The following MCC variants were observed in gnomAD, a reference collection of about 807,000 sequenced individuals.
MCC encodes the protein colorectal mutant cancer protein.
In MCC, 90 loss-of-function variants were observed where a neutral mutation model predicts 116.2. The observed-to-expected ratio is 0.77, with a 90% confidence interval of 0.65 to 0.92. The LOEUF is 0.92. Among genes scored for constraint, MCC ranks in the 40% least tolerant of loss-of-function variants. The pLI is 0.00. For missense variants in MCC, 1,516 were observed against 1,312.2 expected (o/e 1.16, Z -2.40); for synonymous variants, 578 against 510.5 (o/e 1.13, Z -1.78).
chr5:113,024,263 A>ATATT lies in MCC; in HGVS notation c.*3035_*3038dup, dbSNP rs1475981799. 1.3e-5 allele frequency: 2 copies of ATATT among 152,250 alleles called. No individual in the cohort carries two copies. Among genetic ancestry groups the ATATT allele is most frequent in the Admixed American group, 6.5e-5 (1 of 15,284 alleles). 9.4% of individuals were successfully genotyped at this position (152,250 alleles called of 1,614,324 possible). On this transcript the variant is annotated 3_prime_UTR_variant, in exon 19 of 19. Coordinates refer to ENST00000408903, the MANE Select transcript of MCC (RefSeq NM_001085377.2). Reference sequence around the variant, plus strand: ...ATAACATTTGTTTCAGGCAGCATGGATATTAACTTCAGAACGCTGACAAGC... The same window carrying ATATT: ...ATAACATTTGTTTCAGGCAGCATGGATATTTATTAACTTCAGAACGCTGACAAGC...
chr5:113,413,437 C>G lies in MCC; in HGVS notation c.171-28225G>C, dbSNP rs187632277. 2.0e-3 allele frequency among the ~76,000 whole-genome samples: 311 copies of G among 152,252 alleles called. 2 individuals are homozygous for G. The highest frequency in any genetic ancestry group is 7.1e-3 in the African/African-American group (296 of 41,552). On this transcript the variant is annotated intron_variant, in intron 1 of 18. Transcript: ENST00000408903. ...TGGTTGGTAGGCTATTGATTATTGC[C>G]TCAATTTCAGAGCCTGTTATTGGTC... is the stretch of plus-strand genomic sequence containing the variant.
At chr5:113,215,981 T>C (rs765080827) in intron 3 of MCC, among the ~76,000 whole-genome samples, 2 of 152,248 alleles carry the variant, frequency 1.3e-5, no homozygotes, top group Non-Finnish European at 2.9e-5. Flanking sequence ...TTCTCAGTTA[T>C]ATCTTGTTTG....
intron 3 of MCC, among the ~76,000 whole-genome samples, chr5:113,245,367 T>C (rs143989020): frequency 1.6e-3 from 245 of 151,424 alleles, no homozygotes; most frequent in African/African-American, 5.6e-3. Flanking sequence ...CAAAGAAATA[T>C]CTTATGTCCT....
At chr5:113,176,158 G>T (rs920539417) in intron 3 of MCC, among the ~76,000 whole-genome samples, 1 of 152,102 alleles carries the variant, frequency 6.6e-6, no homozygotes, top group Non-Finnish European at 1.5e-5. Context: ...TTTGCCTTAG[G>T]ATTTCTTGCT....
At chr5:113,487,196 CTTT>C (rs1335934591) in intron 1 of MCC, among the ~76,000 whole-genome samples, 2 of 139,626 alleles carry the variant, frequency 1.4e-5, no homozygotes, top group African/African-American at 2.6e-5. Flanking sequence ...ACTTTGCTTT[CTTT>C]TTTTTTTTTT....
chr5:113,170,961 G>A (rs926132681), intron 3 of MCC, among the ~76,000 whole-genome samples: 2 of 152,120 alleles, frequency 1.3e-5, no homozygotes, highest in African/African-American at 4.8e-5. Flanking sequence ...CTGAGACTCT[G>A]TGGAAGCACC....
At chr5:113,049,457 G>A (rs765881949) in intron 15 of MCC, among the ~76,000 whole-genome samples, 158 bp from the exon 16 acceptor site, 60 of 152,340 alleles carry the variant, frequency 3.9e-4, no homozygotes, top group African/African-American at 1.3e-3. Flanking sequence ...GGGAGGAGAC[G>A]TGGCACCTGT....
At chr5:113,111,029 T>C (rs1331352515) in intron 6 of MCC, among the ~76,000 whole-genome samples, 1 of 152,132 alleles carries the variant, frequency 6.6e-6, no homozygotes, top group African/African-American at 2.4e-5. Flanking sequence ...TCCTGCCCTT[T>C]TCCTCTTTTC....
intron 1 of MCC, among the ~76,000 whole-genome samples, chr5:113,449,746 G>C (rs1196921937): frequency 6.6e-6 from 1 of 152,190 alleles, no homozygotes; most frequent in Non-Finnish European, 1.5e-5. Flanking sequence ...GGTTTGGGAA[G>C]TGGAGGAGGA....
intron 1 of MCC, among the ~76,000 whole-genome samples, chr5:113,439,199 A>C (rs557274785): frequency 1.6e-4 from 25 of 152,380 alleles, no homozygotes; most frequent in African/African-American, 5.8e-4. Flanking sequence ...CCAGTTAGGC[A>C]GGCCAAAGCT....
chr5:113,488,052 C>G (rs147256712), intron 1 of MCC, among the ~76,000 whole-genome samples, 193 bp downstream of exon 1: 1,760 of 152,232 alleles, frequency 0.012, 16 homozygotes, highest in Middle Eastern at 0.048. Context: ...CTGGCACCCC[C>G]GCAAGGCGAA....
At chr5:113,042,920 G>A (rs1751817455) in intron 17 of MCC, among the ~76,000 whole-genome samples, 1 of 152,102 alleles carries the variant, frequency 6.6e-6, no homozygotes, top group South Asian at 2.1e-4. Flanking sequence ...AAATTTACAA[G>A]TACATATGTG....
chr5:113,264,609 C>G (rs1264730638), intron 3 of MCC, among the ~76,000 whole-genome samples: 29 of 152,048 alleles, frequency 1.9e-4, no homozygotes, highest in Non-Finnish European at 4.3e-4. Flanking sequence ...AGCCCATGGG[C>G]CAAATTCACC....
chr5:113,088,041 T>C (rs570518433), intron 8 of MCC, among the ~76,000 whole-genome samples: 18 of 152,368 alleles, frequency 1.2e-4, no homozygotes, highest in African/African-American at 4.1e-4. Flanking sequence ...AAATAATTTC[T>C]AAATCTAAAT....
At position 113,434,272 on chromosome 5, in the gene MCC, T is replaced by C; in HGVS notation, c.171-49060A>G. On this transcript the variant is annotated intron_variant, in intron 1 of 18. Transcript: ENST00000408903. This position sits in a 1 kb window ranked among gnomAD's most constrained non-coding sequence, Gnocchi z 4.2. ...TCGTACACCTTGGGCTGGTAGGGAA[T>C]GCCCTGCAGCACCTCTGGGGCCGCA... 3.7e-6 allele frequency: 6 copies of C among 1,614,146 alleles called. No individual in the cohort carries two copies. Among genetic ancestry groups the C allele is most frequent in the Non-Finnish European group, 5.1e-6 (6 of 1,180,008 alleles).
chr5:113,413,322 A>G (rs2150403706), intron 1 of MCC, among the ~76,000 whole-genome samples: 1 of 152,120 alleles, frequency 6.6e-6, no homozygotes, highest in South Asian at 2.1e-4. Context: ...TTTTCTATTG[A>G]TTGGAATAGT....
At position 113,068,057 on chromosome 5, in the gene MCC, A is replaced by G. The variant is rs981317349; in HGVS notation, c.2029+23T>C. 1.9e-6 allele frequency: 3 copies of G among 1,593,588 alleles called. No individual in the cohort carries two copies. In the African/African-American group the frequency reaches 4.0e-5, roughly 21 times the overall value. On this transcript the variant is annotated intron_variant, in intron 13 of 18. Coordinates refer to ENST00000408903, the MANE Select transcript of MCC (RefSeq NM_001085377.2). ...AGGAGGCAGGGAGACAAGAGGAGGA[A>G]GAGGGACTCTGGAGACACTTACCAG...
At chr5:113,034,450 G>A (rs759521180) in intron 17 of MCC, among the ~76,000 whole-genome samples, 3 of 152,096 alleles carry the variant, frequency 2.0e-5, no homozygotes, top group Non-Finnish European at 4.4e-5. Flanking sequence ...GGCCAGCAGC[G>A]GTACTCTGTG....
chr5:113,108,331 T>TAAAAA (rs56780207), intron 6 of MCC, among the ~76,000 whole-genome samples: 6 of 42,724 alleles, frequency 1.4e-4, no homozygotes, highest in South Asian at 1.9e-3. Context: ...CACTCTATCT[T>TAAAAA]AAAAAAAAAA....
Sources: allele counts gnomAD v4.1 joint callset (sites outside exome capture counted in the v4.1 genomes callset), GRCh38; gene constraint gnomAD v4.1.1; non-coding constraint Gnocchi (gnomAD v3.1); transcripts MANE v1.5; gene names NCBI Gene and HGNC (gene_info 2026-07-23, HGNC 2026-07-21).